The following MNAT1 variants were observed in gnomAD, a reference collection of about 807,000 sequenced individuals.
The protein encoded by MNAT1 is MNAT1 component of CDK activating kinase.
In MNAT1, 43 loss-of-function variants were observed where a neutral mutation model predicts 42.0. The observed-to-expected ratio is 1.02, with a 90% CI of 0.80 to 1.32. MNAT1 has a LOEUF of 1.32. Among genes scored for constraint, MNAT1 ranks in the 40% most tolerant of loss-of-function variants. MNAT1 has a pLI of 0.00. For synonymous variants in MNAT1, 118 were observed against 120.0 expected (o/e 0.98, Z 0.11); for missense variants, 306 against 350.4 (o/e 0.87, Z 1.01).
Position 60,850,100 on chromosome 14 carries a change from G to A in MNAT1, c.688-29614G>A, listed in dbSNP as rs139051863. Among the ~76,000 whole-genome samples the A allele has an allele frequency of 5.3e-5, 8 of 152,240 alleles. No homozygotes were observed. In the East Asian group the frequency reaches 1.5e-3, roughly 29 times the overall value. ...GATGCACCTGCCTCAGCCTCCCAAAGTACTGGAATTATAGGTGTGGGCCAC... is the reference window on the plus strand; with the variant it reads ...GATGCACCTGCCTCAGCCTCCCAAAATACTGGAATTATAGGTGTGGGCCAC... On this transcript the variant is annotated intron_variant, in intron 6 of 7. Coordinates refer to ENST00000261245, the MANE Select transcript of MNAT1 (RefSeq NM_002431.4).
At chr14:60,932,465 C>G (rs943938553) in intron 7 of MNAT1, among the ~76,000 whole-genome samples, 8 of 151,836 alleles carry the variant, frequency 5.3e-5, no homozygotes, top group Non-Finnish European at 8.8e-5. Context: ...TTTTTTCCCT[C>G]CTTTAAAGAC....
At chr14:60,886,593 A>G (rs2034677195) in intron 7 of MNAT1, among the ~76,000 whole-genome samples, 3 of 152,120 alleles carry the variant, frequency 2.0e-5, no homozygotes, top group South Asian at 4.2e-4. Flanking sequence ...CAATATTAGT[A>G]TAAAGAAATA....
intron 6 of MNAT1, among the ~76,000 whole-genome samples, chr14:60,871,924 C>G (rs1407671956): frequency 6.6e-6 from 1 of 152,070 alleles, no homozygotes; most frequent in Admixed American, 6.6e-5. Flanking sequence ...CACCCAGTCT[C>G]TAAGAATTCT....
intron 6 of MNAT1, among the ~76,000 whole-genome samples, chr14:60,877,736 C>T (rs983897342): frequency 2.6e-5 from 4 of 151,938 alleles, no homozygotes; most frequent in African/African-American, 4.8e-5. Context: ...TCTATGCCCA[C>T]GTGGATGATA....
intron 5 of MNAT1, among the ~76,000 whole-genome samples, chr14:60,815,116 A>C (rs1190697449): frequency 6.6e-6 from 1 of 152,166 alleles, no homozygotes; most frequent in African/African-American, 2.4e-5. Context: ...CTTTGATAGA[A>C]AATATGCTTT....
chr14:60,894,776 T>C (rs909961991), intron 7 of MNAT1, among the ~76,000 whole-genome samples: 9 of 152,168 alleles, frequency 5.9e-5, no homozygotes, highest in African/African-American at 1.9e-4. Flanking sequence ...ATCCTAGAAG[T>C]AGACTTTTGT....
intron 7 of MNAT1, among the ~76,000 whole-genome samples, chr14:60,894,465 T>C (rs1226903092): frequency 6.6e-6 from 1 of 152,096 alleles, no homozygotes; most frequent in Admixed American, 6.6e-5. Context: ...TTAGCCTGAT[T>C]GTCTATTTTT....
At chr14:60,784,178 A>ATTTTTTTTTTTTT (rs2031562852) in intron 1 of MNAT1, among the ~76,000 whole-genome samples, 1 of 12,744 alleles carries the variant, frequency 7.8e-5, no homozygotes, top group African/African-American at 1.8e-4. Flanking sequence ...ATGCCTGGCT[A>ATTTTTTTTTTTTT]ATTTTTTTTT....
At chr14:60,855,348 G>A (rs974162422) in intron 6 of MNAT1, among the ~76,000 whole-genome samples, 3 of 151,980 alleles carry the variant, frequency 2.0e-5, no homozygotes, top group Non-Finnish European at 2.9e-5. Context: ...GGTTCCAGGT[G>A]CCACTGGGTT....
intron 7 of MNAT1, among the ~76,000 whole-genome samples, chr14:60,963,042 C>T (rs1316532088): frequency 6.6e-6 from 1 of 152,060 alleles, no homozygotes; most frequent in Non-Finnish European, 1.5e-5. Context: ...AGTGCAGTGG[C>T]GTGATCTTGG....
chr14:60,811,541 A>T (rs1198648965), intron 4 of MNAT1, among the ~76,000 whole-genome samples: 1 of 151,852 alleles, frequency 6.6e-6, no homozygotes, highest in East Asian at 1.9e-4. Flanking sequence ...TGACCTTGTG[A>T]TCCACCCGCC....
At chr14:60,826,383 C>T (rs1224944109) in intron 6 of MNAT1, among the ~76,000 whole-genome samples, 4 of 131,972 alleles carry the variant, frequency 3.0e-5, no homozygotes, top group Non-Finnish European at 6.1e-5. Flanking sequence ...GTGATGTGAT[C>T]TTGGCTCACT....
chr14:60,891,163 C>G (rs1430422808), intron 7 of MNAT1, among the ~76,000 whole-genome samples: 4 of 151,942 alleles, frequency 2.6e-5, no homozygotes, highest in Non-Finnish European at 4.4e-5. Flanking sequence ...TAATTTAAGT[C>G]TTCTCTCCTT....
intron 6 of MNAT1, among the ~76,000 whole-genome samples, chr14:60,846,289 G>C (rs1394459168): frequency 6.6e-6 from 1 of 151,860 alleles, no homozygotes; most frequent in African/African-American, 2.4e-5. Context: ...TCTTATTTTG[G>C]TAGTTTTGTT....
At chr14:60,786,534 T>A (rs2031657641) in intron 1 of MNAT1, among the ~76,000 whole-genome samples, 1 of 152,142 alleles carries the variant, frequency 6.6e-6, no homozygotes, top group African/African-American at 2.4e-5. Flanking sequence ...CTGTTAACAT[T>A]TATCATATTA....
intron 7 of MNAT1, among the ~76,000 whole-genome samples, chr14:60,917,036 C>A (rs1594870307): frequency 6.6e-6 from 1 of 152,008 alleles, no homozygotes; most frequent in East Asian, 1.9e-4. Flanking sequence ...TTGTAAAACC[C>A]ACTTGTAGTG....
intron 6 of MNAT1, among the ~76,000 whole-genome samples, chr14:60,869,304 G>T (rs1230959220): frequency 6.6e-6 from 1 of 151,496 alleles, no homozygotes; most frequent in Non-Finnish European, 1.5e-5. Flanking sequence ...GCCTCCCAAA[G>T]TGCTAGGATT....
At chr14:60,889,136 C>T (rs990696225) in intron 7 of MNAT1, among the ~76,000 whole-genome samples, 3 of 152,098 alleles carry the variant, frequency 2.0e-5, no homozygotes, top group Admixed American at 6.6e-5. Flanking sequence ...GAGCCCGCAT[C>T]GCTGAGTCAA....
At chr14:60,870,693 G>T (rs989784441) in intron 6 of MNAT1, among the ~76,000 whole-genome samples, 1 of 152,048 alleles carries the variant, frequency 6.6e-6, no homozygotes, top group African/African-American at 2.4e-5. Context: ...AGCAATGGTG[G>T]ATTGATTTAA....
Sources: allele counts gnomAD v4.1 joint callset (sites outside exome capture counted in the v4.1 genomes callset), GRCh38; gene constraint gnomAD v4.1.1; transcripts MANE v1.5; gene names NCBI Gene and HGNC (gene_info 2026-07-23, HGNC 2026-07-21).